Variants in HDAC4 observed in about 807,000 individuals in gnomAD.
The protein encoded by HDAC4 is histone deacetylase 4, also known as histone deacetylase A.
HDAC4 carries 16 observed loss-of-function variants against 135.1 expected under a neutral mutation model. That is an observed-to-expected ratio of 0.12 (90% CI 0.08 to 0.18). The LOEUF (loss-of-function observed/expected upper bound fraction) is 0.18. Ranked by LOEUF, HDAC4 falls within the 10% of genes least tolerant of loss-of-function variation. The pLI is 1.00. For missense variants in HDAC4, 1,143 were observed against 1,511.8 expected, an observed-to-expected ratio of 0.76 and a Z score of 4.05; for synonymous variants, 685 against 653.4, an observed-to-expected ratio of 1.05 and a Z score of -0.74.
chr2:239,119,327 A>G (rs2039420532), intron 12 of HDAC4, among the ~76,000 whole-genome samples: 1 of 152,116 alleles, frequency 6.6e-6, no homozygotes, highest in African/African-American at 2.4e-5. Flanking sequence ...GGGATTCGGG[A>G]GGAGGGAGAG....
At chr2:239,279,969 G>T (rs1023850908) in intron 2 of HDAC4, among the ~76,000 whole-genome samples, 21 of 152,126 alleles carry the variant, frequency 1.4e-4, no homozygotes, top group African/African-American at 4.8e-4. Flanking sequence ...CAGAAAGTGC[G>T]GATCCCACCT....
intron 2 of HDAC4, among the ~76,000 whole-genome samples, chr2:239,322,469 T>C (rs2053347045): frequency 6.6e-6 from 1 of 152,242 alleles, no homozygotes; most frequent in African/African-American, 2.4e-5. Flanking sequence ...GCTGTAAATA[T>C]GTAGAAAACA....
rs77220289 is a variant in HDAC4 at position 239,250,065 on chromosome 2, G to A, written c.23-13401C>T. ...AAGGAGGCCCAGCGCAGCATCCTCC[G>A]TGATGGCCACCGCGGCCTCTCCCAT... On this transcript the variant is annotated intron_variant, in intron 2 of 26. Coordinates refer to ENST00000543185, the MANE Select transcript of HDAC4 (RefSeq NM_001378414.1). 4.9e-3 allele frequency among the ~76,000 whole-genome samples: 745 copies of A among 152,332 alleles called. 25 individuals carry two copies. In the East Asian group the frequency reaches 0.087, roughly 18 times the overall value.
At chr2:239,397,856 C>T (rs1377150309) in intron 1 of HDAC4, among the ~76,000 whole-genome samples, 5 of 152,186 alleles carry the variant, frequency 3.3e-5, no homozygotes, top group Admixed American at 1.3e-4. Context: ...GTGCAGTACC[C>T]GCCTCTAACG....
chr2:239,196,711 G>T (rs556310723), intron 3 of HDAC4, among the ~76,000 whole-genome samples: 36 of 152,296 alleles, frequency 2.4e-4, no homozygotes, highest in African/African-American at 7.0e-4. Flanking sequence ...TGTGGTCTGG[G>T]GGGTGAGCTG....
chr2:239,183,605 CT>C (rs1013734179), intron 4 of HDAC4, among the ~76,000 whole-genome samples: 1 of 152,222 alleles, frequency 6.6e-6, no homozygotes, highest in African/African-American at 2.4e-5. Flanking sequence ...TGGGAGGCAG[CT>C]CATGCTAAGC....
chr2:239,126,193 G>A (rs796928747), intron 12 of HDAC4, among the ~76,000 whole-genome samples: 4 of 152,316 alleles, frequency 2.6e-5, no homozygotes, highest in African/African-American at 9.6e-5. Flanking sequence ...AACTCACACG[G>A]GCTGGTGGGA....
chr2:239,366,457 T>C (rs1694221681), intron 1 of HDAC4, among the ~76,000 whole-genome samples: 1 of 152,238 alleles, frequency 6.6e-6, no homozygotes, highest in Non-Finnish European at 1.5e-5. Context: ...TGCAGATGCC[T>C]AGGTGTGTTT....
At chr2:239,302,743 G>A (rs540982545) in intron 2 of HDAC4, among the ~76,000 whole-genome samples, 180 of 152,358 alleles carry the variant, frequency 1.2e-3, no homozygotes, top group Middle Eastern at 3.4e-3. Flanking sequence ...AGAGCGTTTC[G>A]TGGGCGCACC....
intron 24 of HDAC4, among the ~76,000 whole-genome samples, chr2:239,061,568 A>G (rs2032746917): frequency 6.6e-6 from 1 of 151,266 alleles, no homozygotes; most frequent in African/African-American, 2.4e-5. Flanking sequence ...CGTGCATGTG[A>G]GACTGTGGTG....
intron 3 of HDAC4, among the ~76,000 whole-genome samples, chr2:239,197,787 T>C (rs988395201): frequency 2.0e-5 from 3 of 152,016 alleles, no homozygotes; most frequent in African/African-American, 7.3e-5. Context: ...CCTGTTCATA[T>C]TTCCTAGATA....
intron 11 of HDAC4, among the ~76,000 whole-genome samples, chr2:239,130,354 C>T (rs1195427543): frequency 1.3e-5 from 2 of 152,184 alleles, no homozygotes; most frequent in Non-Finnish European, 2.9e-5. Context: ...GAGGCCTAAA[C>T]AGTAGCATGC....
intron 3 of HDAC4, among the ~76,000 whole-genome samples, chr2:239,207,900 AAGAC>A (rs2046134333): frequency 6.6e-6 from 1 of 152,240 alleles, no homozygotes; most frequent in Non-Finnish European, 1.5e-5. Context: ...AAGTATAAAA[AAGAC>A]AGAAAAATTA....
chr2:239,311,775 T>C lies in HDAC4; in HGVS notation c.22+40903A>G, dbSNP rs2052890409. 2.0e-5 allele frequency among the ~76,000 whole-genome samples: 3 copies of C among 152,220 alleles called. No homozygotes were observed. The East Asian group carries it at 5.8e-4, about 29-fold the overall frequency. On this transcript the variant is annotated intron_variant, in intron 2 of 26. Coordinates refer to ENST00000543185, the MANE Select transcript of HDAC4 (RefSeq NM_001378414.1). The stretch of plus-strand genomic sequence containing the variant: ...TGCTTTTTAATGGCAGGTGTTACAA[T>C]GATCATGGAACAGTGATGGGGCGGT...
intron 8 of HDAC4, among the ~76,000 whole-genome samples, chr2:239,143,047 G>T (rs985340708): frequency 6.6e-6 from 1 of 151,758 alleles, no homozygotes; most frequent in African/African-American, 2.4e-5. Context: ...GCCCTGTCAC[G>T]CATGGCTCCT....
chr2:239,321,080 T>C (rs1243661901), intron 2 of HDAC4, among the ~76,000 whole-genome samples: 1 of 152,224 alleles, frequency 6.6e-6, no homozygotes, highest in African/African-American at 2.4e-5. Flanking sequence ...TTCAGGGTTT[T>C]AAACCTATGT....
chr2:239,295,175 C>A (rs1026716984), intron 2 of HDAC4, among the ~76,000 whole-genome samples: 1 of 149,980 alleles, frequency 6.7e-6, no homozygotes, highest in African/African-American at 2.4e-5. Context: ...GGCGTAGTGG[C>A]GGGCGCCTGT....
chr2:239,294,446 G>A (rs2051726757), intron 2 of HDAC4, among the ~76,000 whole-genome samples: 1 of 152,136 alleles, frequency 6.6e-6, no homozygotes. Flanking sequence ...AAAAAAAAGA[G>A]AAAGAGACTG....
chr2:239,238,807 T>C (rs1440458481), intron 2 of HDAC4, among the ~76,000 whole-genome samples: 1 of 152,216 alleles, frequency 6.6e-6, no homozygotes, highest in East Asian at 1.9e-4. Context: ...TCACGATACG[T>C]GGTGTTCCTG....
Sources: gnomAD v4.1 joint callset for allele counts (sites outside exome capture counted in the v4.1 genomes callset) on GRCh38, gnomAD v4.1.1 for gene constraint, MANE v1.5 for transcripts, NCBI Gene and HGNC (gene_info 2026-07-23, HGNC 2026-07-21) for gene names.